TMEM131: variants seen among roughly 807,000 people sequenced by gnomAD.
The protein encoded by TMEM131 is transmembrane protein 131.
In TMEM131, 66 loss-of-function variants were observed where a neutral mutation model predicts 211.6. The ratio of observed to expected loss-of-function variants is 0.31; its 90% confidence interval spans 0.26 to 0.38. The LOEUF (loss-of-function observed/expected upper bound fraction) is 0.38. Ranked by LOEUF, TMEM131 falls within the 10% of genes least tolerant of loss-of-function variation. The pLI is 1.00. For missense variants in TMEM131, 2,036 were observed against 2,299.3 expected (o/e 0.89, Z 2.34); for synonymous variants, 844 against 841.3 (o/e 1.00, Z -0.06).
At chr2:97,896,695 G>A (rs1258258955) in intron 3 of TMEM131, among the ~76,000 whole-genome samples, 1 of 151,626 alleles carries the variant, frequency 6.6e-6, no homozygotes, top group East Asian at 1.9e-4. Flanking sequence ...CTGCTGAAAA[G>A]GAGTATTCTT....
rs1161998977 is a variant in TMEM131, at chr2:97,995,562, C to T, written c.101G>A (p.Gly34Asp). 4 of 1,316,194 alleles carry T rather than the reference C, an allele frequency of 3.0e-6. No individual in the cohort carries two copies. The highest frequency in any genetic ancestry group is 2.9e-6 in the Non-Finnish European group (3 of 1,031,174). 81.5% of individuals were successfully genotyped at this position (1,316,194 alleles called of 1,614,324 possible). Residue 34 changes from glycine to aspartate, a missense_variant, in exon 1 of 41, where the codon GGC becomes GAC. Physicochemically the swap from Gly to Asp is moderately conservative, Grantham distance 94 (BLOSUM62 -1). Transcript: ENST00000186436. The part of the protein sequence containing the change: ...GLEPAAARSG[G>D]PRSAAAGLLG... ...GAGGCCGGCGGCCGCGCTCCGCGGG[C>T]CCCCGCTACGGGCGGCCGCAGGTTC...
intron 33 of TMEM131, among the ~76,000 whole-genome samples, chr2:97,771,600 A>G (rs1287493321): frequency 2.0e-5 from 3 of 152,246 alleles, no homozygotes; most frequent in Non-Finnish European, 4.4e-5. Flanking sequence ...ACAGTTCTAT[A>G]CAATGAACCA....
intron 2 of TMEM131, among the ~76,000 whole-genome samples, chr2:97,920,970 A>AGTGTGT (rs57343769): frequency 0.021 from 3,052 of 146,698 alleles, 38 homozygotes; most frequent in Middle Eastern, 0.032. Flanking sequence ...AAAAATCCCG[A>AGTGTGT]GTGTGTGTGT....
chr2:97,871,685 C>T (rs1674494592), intron 4 of TMEM131, among the ~76,000 whole-genome samples: 1 of 152,188 alleles, frequency 6.6e-6, no homozygotes, highest in African/African-American at 2.4e-5. Context: ...AATCAACATT[C>T]CTCATTCCCT....
At chr2:97,884,298 T>C (rs1420309170) in intron 4 of TMEM131, among the ~76,000 whole-genome samples, 1 of 152,206 alleles carries the variant, frequency 6.6e-6, no homozygotes, top group African/African-American at 2.4e-5. Context: ...GTTGATAAAA[T>C]TAATTTAAAA....
intron 4 of TMEM131, among the ~76,000 whole-genome samples, chr2:97,873,948 C>A (rs1674589125): frequency 6.6e-6 from 1 of 152,034 alleles, no homozygotes; most frequent in South Asian, 2.1e-4. Flanking sequence ...ATGTTCTAAT[C>A]CAATGCAAGG....
At chr2:97,817,592 C>A (rs1681891389) in intron 12 of TMEM131, among the ~76,000 whole-genome samples, 1 of 152,208 alleles carries the variant, frequency 6.6e-6, no homozygotes, top group Non-Finnish European at 1.5e-5. Flanking sequence ...TATTTCTTGA[C>A]AACTGTATCA....
chr2:97,893,053 C>T (rs1675447945), intron 3 of TMEM131, among the ~76,000 whole-genome samples: 1 of 152,128 alleles, frequency 6.6e-6, no homozygotes, highest in Non-Finnish European at 1.5e-5. Flanking sequence ...CCCTAGCCGC[C>T]CAACCCCCGA....
intron 2 of TMEM131, among the ~76,000 whole-genome samples, chr2:97,923,628 T>TTAAA (rs1491415827): frequency 3.3e-5 from 1 of 30,208 alleles, no homozygotes; most frequent in African/African-American, 9.4e-5. Flanking sequence ...TCTTTTTTTT[T>TTAAA]AAAAAAAAAA....
chr2:97,799,252 A>G (rs1573378654), intron 25 of TMEM131, among the ~76,000 whole-genome samples: 1 of 151,886 alleles, frequency 6.6e-6, no homozygotes, highest in Non-Finnish European at 1.5e-5. Context: ...TGTGTTTTTC[A>G]GTGTCATTCA....
chr2:97,979,451 G>A (rs554292704), intron 1 of TMEM131, among the ~76,000 whole-genome samples: 8 of 152,170 alleles, frequency 5.3e-5, no homozygotes, highest in East Asian at 3.8e-4. Context: ...GCGTGGCCAC[G>A]TTTATCAATG....
intron 4 of TMEM131, among the ~76,000 whole-genome samples, chr2:97,886,405 T>C (rs1288770688): frequency 6.6e-6 from 1 of 152,152 alleles, no homozygotes; most frequent in Non-Finnish European, 1.5e-5. Context: ...TTTTATGGAG[T>C]ACATTTCACA....
intron 2 of TMEM131, among the ~76,000 whole-genome samples, chr2:97,911,412 A>G (rs1200784336): frequency 6.6e-6 from 1 of 152,242 alleles, no homozygotes; most frequent in African/African-American, 2.4e-5. Context: ...TTTAAATTAC[A>G]TAATTTAAAC....
chr2:97,908,207 C>A (rs547615206), intron 3 of TMEM131, among the ~76,000 whole-genome samples: 1 of 152,184 alleles, frequency 6.6e-6, no homozygotes, highest in Non-Finnish European at 1.5e-5. Context: ...GTAAAACCAT[C>A]CCCCTGTTAT....
chr2:97,847,269 A>C (rs1386984300), intron 5 of TMEM131, among the ~76,000 whole-genome samples: 1 of 152,212 alleles, frequency 6.6e-6, no homozygotes, highest in African/African-American at 2.4e-5. Flanking sequence ...TTTTATTCAG[A>C]TAACATGGCT....
intron 36 of TMEM131, chr2:97,761,638 T>C (rs1383607271): frequency 1.8e-5 from 3 of 167,678 alleles, no homozygotes. Context: ...GTCCTGCCCT[T>C]CTAAGTCCTA....
At chr2:97,810,100 AAT>A (rs942323057) in intron 18 of TMEM131, among the ~76,000 whole-genome samples, 13 of 152,288 alleles carry the variant, frequency 8.5e-5, no homozygotes, top group African/African-American at 2.4e-4. Context: ...AATCTATAAA[AAT>A]AGATTATTTT....
Position 97,811,274 on chromosome 2 carries a change from T to C in TMEM131, c.1864-42A>G, listed in dbSNP as rs117850977. The C allele has an allele frequency of 5.1e-4, 764 of 1,489,142 alleles. 7 individuals carry two copies. The East Asian group carries it at 9.2e-3, about 18-fold the overall frequency. The allele number at this position is 1,489,142 out of a possible 1,614,324, so 92.2% of individuals were successfully genotyped here. ...TGGTATCATTCATTAGCCTTGTTAG[T>C]TGAAGTTTCCTATTAAAATGGACAT... On this transcript the variant is annotated intron_variant, in intron 17 of 40. Coordinates refer to ENST00000186436, the MANE Select transcript of TMEM131 (RefSeq NM_015348.2).
intron 3 of TMEM131, among the ~76,000 whole-genome samples, chr2:97,900,709 C>T (rs1675818114): frequency 6.6e-6 from 1 of 151,616 alleles, no homozygotes; most frequent in East Asian, 1.9e-4. Flanking sequence ...ATAATTATTT[C>T]ATTTCTCTTG....
Sources: gnomAD v4.1 joint callset for allele counts (sites outside exome capture counted in the v4.1 genomes callset) on GRCh38, gnomAD v4.1.1 for gene constraint, MANE v1.5 for transcripts, NCBI Gene and HGNC (gene_info 2026-07-23, HGNC 2026-07-21) for gene names.